Variants in PTPRT observed in about 807,000 individuals in gnomAD.
The protein encoded by PTPRT is protein tyrosine phosphatase receptor type T, also known as receptor-type tyrosine-protein phosphatase T.
In PTPRT, 56 loss-of-function variants were observed where a neutral mutation model predicts 176.8. That is an observed-to-expected ratio of 0.32 (90% CI 0.26 to 0.40). The LOEUF is 0.40. Ranked by LOEUF, PTPRT falls within the 10% of genes least tolerant of loss-of-function variation. PTPRT has a pLI of 1.00. For missense variants in PTPRT, 1,540 were observed against 1,908.2 expected (o/e 0.81, Z 3.60); for synonymous variants, 783 against 739.0 (o/e 1.06, Z -0.96).
At chr20:42,107,117 A>G (rs1390388479) in intron 23 of PTPRT, among the ~76,000 whole-genome samples, 196 bp from the exon 24 acceptor site, 1 of 152,230 alleles carries the variant, frequency 6.6e-6, no homozygotes, top group Non-Finnish European at 1.5e-5. Flanking sequence ...GCCTTGTCTG[A>G]TGGATAAAAT....
chr20:42,653,451 T>C (rs538555335), intron 7 of PTPRT, among the ~76,000 whole-genome samples: 94 of 152,258 alleles, frequency 6.2e-4, no homozygotes, highest in African/African-American at 2.2e-3. Context: ...TATCACAGAA[T>C]TGAGTGATAA....
chr20:42,405,591 A>G (rs1262726871), intron 9 of PTPRT, among the ~76,000 whole-genome samples: 1 of 152,200 alleles, frequency 6.6e-6, no homozygotes, highest in Non-Finnish European at 1.5e-5. Context: ...CCAGTCTATC[A>G]TTGATGGACA....
At chr20:42,447,233 G>A (rs1340956073) in intron 9 of PTPRT, among the ~76,000 whole-genome samples, 3 of 152,120 alleles carry the variant, frequency 2.0e-5, no homozygotes, top group Non-Finnish European at 4.4e-5. Context: ...ACATGTTTCA[G>A]TCTGGGATGC....
chr20:42,986,856 G>A (rs997871527), intron 1 of PTPRT, among the ~76,000 whole-genome samples: 4 of 152,196 alleles, frequency 2.6e-5, no homozygotes, highest in Non-Finnish European at 5.9e-5. Context: ...GCTGTACAGT[G>A]GGGGCTTCTG....
intron 2 of PTPRT, among the ~76,000 whole-genome samples, chr20:42,819,647 C>G (rs2077854435): frequency 6.6e-6 from 1 of 151,890 alleles, no homozygotes; most frequent in African/African-American, 2.4e-5. Context: ...GTGCTGTATT[C>G]AGGAGACCCA....
intron 1 of PTPRT, among the ~76,000 whole-genome samples, chr20:43,056,617 A>G (rs1199103196): frequency 6.6e-6 from 1 of 152,190 alleles, no homozygotes; most frequent in African/African-American, 2.4e-5. Context: ...GGGGGGTGTT[A>G]TTCATTACAG....
chr20:43,074,938 G>T (rs572038314), intron 1 of PTPRT, among the ~76,000 whole-genome samples: 2 of 152,202 alleles, frequency 1.3e-5, no homozygotes, highest in African/African-American at 2.4e-5. Flanking sequence ...GAAAGAATGT[G>T]CTGATGTGCT....
At chr20:42,741,152 A>T (rs760434883) in intron 6 of PTPRT, among the ~76,000 whole-genome samples, 1 of 152,168 alleles carries the variant, frequency 6.6e-6, no homozygotes, top group Non-Finnish European at 1.5e-5. Flanking sequence ...CATAGAAGAA[A>T]CCCCTAGGAA....
intron 16 of PTPRT, among the ~76,000 whole-genome samples, chr20:42,188,932 T>C (rs1423490564): frequency 1.3e-5 from 2 of 152,226 alleles, no homozygotes; most frequent in African/African-American, 4.8e-5. Flanking sequence ...AAATGCACTC[T>C]GCTTATCTAC....
At chr20:42,828,395 A>G (rs2145682322) in intron 2 of PTPRT, among the ~76,000 whole-genome samples, 1 of 152,350 alleles carries the variant, frequency 6.6e-6, no homozygotes, top group South Asian at 2.1e-4. Flanking sequence ...TAAAATTTGC[A>G]GCTGACAATG....
At chr20:42,956,962 T>C (rs1276386955) in intron 1 of PTPRT, among the ~76,000 whole-genome samples, 3 of 152,214 alleles carry the variant, frequency 2.0e-5, no homozygotes, top group African/African-American at 4.8e-5. Flanking sequence ...CCAAGTCACC[T>C]GGATCTAAAC....
intron 9 of PTPRT, among the ~76,000 whole-genome samples, chr20:42,418,773 C>A (rs2059089090): frequency 6.6e-6 from 1 of 152,126 alleles, no homozygotes; most frequent in Non-Finnish European, 1.5e-5. Flanking sequence ...GAAATCCCTG[C>A]TGCAGCACAT....
At chr20:42,566,418 C>T (rs1046715976) in intron 7 of PTPRT, among the ~76,000 whole-genome samples, 3 of 152,124 alleles carry the variant, frequency 2.0e-5, no homozygotes, top group African/African-American at 4.8e-5. Flanking sequence ...TTACAGGCAC[C>T]GCAGCCAGCT....
Position 42,461,314 on chromosome 20 carries a change from T to C in PTPRT, c.1450+10952A>G, listed in dbSNP as rs79250270. 8.8e-3 allele frequency among the ~76,000 whole-genome samples: 1,330 copies of C among 151,368 alleles called. 11 individuals are homozygous for C. Among genetic ancestry groups the C allele is most frequent in the Middle Eastern group, 0.014 (4 of 292 alleles). On this transcript the variant is annotated intron_variant, in intron 8 of 30. Transcript: ENST00000373187. Reference sequence around the variant, plus strand: ...TGCACTCCAGCCTGGGCAACAAGAGTGAAACTCCGTCTCAAAAATAAATAA... The same window carrying C: ...TGCACTCCAGCCTGGGCAACAAGAGCGAAACTCCGTCTCAAAAATAAATAA...
At chr20:42,085,006 C>T (rs916312746) in intron 28 of PTPRT, among the ~76,000 whole-genome samples, 161 bp from the exon 29 acceptor site, 2 of 152,174 alleles carry the variant, frequency 1.3e-5, no homozygotes, top group African/African-American at 4.8e-5. Context: ...TCTATTCCTT[C>T]GTGTACACAG....
intron 7 of PTPRT, among the ~76,000 whole-genome samples, chr20:42,624,008 C>CAAAAAAAAAAAAAAAAAAAAAA (rs2074247421): frequency 8.6e-6 from 1 of 116,662 alleles, no homozygotes; most frequent in African/African-American, 3.5e-5. Context: ...ACAATAGCAA[C>CAAAAAAAAAAAAAAAAAAAAAA]AAACAAACAA....
chr20:42,238,484 C>A (rs1005519358), intron 14 of PTPRT, among the ~76,000 whole-genome samples: 1 of 152,198 alleles, frequency 6.6e-6, no homozygotes, highest in African/African-American at 2.4e-5. Flanking sequence ...CCTTCACCAG[C>A]CATACACGTT....
rs139351163 is a variant in PTPRT at position 42,147,739 on chromosome 20, A to G, written c.2683-5737T>C. Among the ~76,000 whole-genome samples, 417 of 152,308 alleles carry G rather than the reference A, an allele frequency of 2.7e-3. 3 individuals are homozygous for G. Among genetic ancestry groups the G allele is most frequent in the African/African-American group, 9.2e-3 (383 of 41,566 alleles). On this transcript the variant is annotated intron_variant, in intron 17 of 30. Transcript: ENST00000373187. ...CGTGGGAAACCACACAGGCCCTGTC[A>G]TGGTCCTGGGAGCCTCTGTCTCCCT...
chr20:42,987,495 T>A (rs1983664099), intron 1 of PTPRT, among the ~76,000 whole-genome samples: 1 of 152,192 alleles, frequency 6.6e-6, no homozygotes, highest in Non-Finnish European at 1.5e-5. Flanking sequence ...CTGCCAGACC[T>A]GCATGGTCTC....
Sources: gnomAD v4.1 joint callset for allele counts (sites outside exome capture counted in the v4.1 genomes callset) on GRCh38, gnomAD v4.1.1 for gene constraint, MANE v1.5 for transcripts, NCBI Gene and HGNC (gene_info 2026-07-23, HGNC 2026-07-21) for gene names.